Variants in CAP2 observed in about 807,000 individuals in gnomAD.
CAP2 encodes cyclase associated actin cytoskeleton regulatory protein 2.
Under a neutral mutation model 57.7 loss-of-function variants are expected in CAP2, and 24 were observed. The observed-to-expected ratio is 0.42, with a 90% CI of 0.30 to 0.58. The LOEUF (loss-of-function observed/expected upper bound fraction) is 0.58. Among genes scored for constraint, CAP2 ranks in the 20% least tolerant of loss-of-function variants. CAP2 has a pLI of 0.22. For synonymous variants in CAP2, 194 were observed against 207.2 expected, an observed-to-expected ratio of 0.94 and a Z score of 0.55; for missense variants, 501 against 590.3, an observed-to-expected ratio of 0.85 and a Z score of 1.57.
At chr6:17,427,581 A>C (rs372383605) in intron 3 of CAP2, among the ~76,000 whole-genome samples, 5 of 150,638 alleles carry the variant, frequency 3.3e-5, no homozygotes, top group African/African-American at 5.0e-5. Context: ...TGATGCAGGC[A>C]CTGTGGAAAA....
At chr6:17,441,561 G>A (rs1760074228) in intron 3 of CAP2, among the ~76,000 whole-genome samples, 1 of 151,526 alleles carries the variant, frequency 6.6e-6, no homozygotes. Flanking sequence ...AAGGCTCACT[G>A]CAGCCTCAAC....
At chr6:17,447,649 C>T (rs539646232) in intron 3 of CAP2, among the ~76,000 whole-genome samples, 8 of 152,310 alleles carry the variant, frequency 5.3e-5, no homozygotes, top group East Asian at 1.9e-4. Flanking sequence ...CAGGCACTCG[C>T]CATCATGCCT....
chr6:17,443,085 C>T (rs139855719), intron 3 of CAP2, among the ~76,000 whole-genome samples: 221 of 152,186 alleles, frequency 1.5e-3, no homozygotes, highest in African/African-American at 5.1e-3. Context: ...ACATTTTCTC[C>T]TCAAAAATAC....
intron 3 of CAP2, among the ~76,000 whole-genome samples, chr6:17,436,067 ATCTTTCTT>A (rs1345218299): frequency 1.2e-4 from 17 of 143,954 alleles, no homozygotes; most frequent in African/African-American, 4.0e-4. Flanking sequence ...AAACTAAGGA[ATCTTTCTT>A]TCTTTCTTTC....
intron 1 of CAP2, among the ~76,000 whole-genome samples, chr6:17,420,787 A>G (rs2113530653): frequency 6.6e-6 from 1 of 152,338 alleles, no homozygotes; most frequent in East Asian, 1.9e-4. Flanking sequence ...TGTATTACCT[A>G]TTGGGCTTGT....
At chr6:17,423,640 A>G (rs1198013380) in intron 2 of CAP2, among the ~76,000 whole-genome samples, 1 of 152,192 alleles carries the variant, frequency 6.6e-6, no homozygotes, top group Non-Finnish European at 1.5e-5. Flanking sequence ...AAAAATCTCA[A>G]TAATTTGAAC....
chr6:17,452,152 T>C (rs1392490739), intron 3 of CAP2, among the ~76,000 whole-genome samples: 1 of 152,196 alleles, frequency 6.6e-6, no homozygotes, highest in Admixed American at 6.5e-5. Context: ...AGGGTATAGG[T>C]ATTTCAGATG....
At chr6:17,398,634 C>T (rs1758729726) in intron 1 of CAP2, among the ~76,000 whole-genome samples, 1 of 151,538 alleles carries the variant, frequency 6.6e-6, no homozygotes, top group Non-Finnish European at 1.5e-5. Flanking sequence ...AGGCCATTCT[C>T]CTGCCTCAGC....
chr6:17,396,958 T>A (rs916929505), intron 1 of CAP2, among the ~76,000 whole-genome samples: 5 of 152,242 alleles, frequency 3.3e-5, no homozygotes, highest in Admixed American at 6.5e-5. Flanking sequence ...TTTGTGTTAA[T>A]CATTCCCTGG....
chr6:17,403,782 A>T (rs1195369441), intron 1 of CAP2, among the ~76,000 whole-genome samples: 4 of 152,212 alleles, frequency 2.6e-5, no homozygotes, highest in Non-Finnish European at 5.9e-5. Flanking sequence ...ATTATGCAAA[A>T]TTTGTGACTA....
intron 3 of CAP2, among the ~76,000 whole-genome samples, chr6:17,443,013 G>A (rs1021292820): frequency 3.9e-5 from 6 of 151,988 alleles, no homozygotes; most frequent in African/African-American, 1.5e-4. Context: ...CACTGGCCCC[G>A]GCTGGCCCCA....
intron 1 of CAP2, among the ~76,000 whole-genome samples, chr6:17,395,851 T>G (rs576888411): frequency 4.6e-5 from 7 of 152,172 alleles, no homozygotes; most frequent in Admixed American, 3.3e-4. Flanking sequence ...AAGAACTAGA[T>G]AGTTGTGAAA....
intron 1 of CAP2, among the ~76,000 whole-genome samples, chr6:17,399,208 G>A (rs1012440448): frequency 2.6e-5 from 4 of 152,090 alleles, no homozygotes; most frequent in Non-Finnish European, 5.9e-5. Context: ...GATTACAGGC[G>A]CTTGCCACCC....
chr6:17,407,917 T>TTTGTTGG lies in CAP2; in HGVS notation c.-1-13636_-1-13630dup, dbSNP rs1352144766. On this transcript the variant is annotated intron_variant, in intron 1 of 12. Coordinates refer to ENST00000229922, the MANE Select transcript of CAP2 (RefSeq NM_006366.3). ...ACCTGGCTATTCCATCACACTTGGATTTGTTGGTAATTTCTATTCATAAAA... is the reference window on the plus strand; with the variant it reads ...ACCTGGCTATTCCATCACACTTGGATTTGTTGGTTGTTGGTAATTTCTATTCATAAAA... 2.6e-5 allele frequency among the ~76,000 whole-genome samples: 4 copies of TTTGTTGG among 152,266 alleles called. No individual in the cohort carries two copies. The East Asian group carries it at 7.7e-4, about 29-fold the overall frequency.
chr6:17,549,839 A>G (rs886818948), intron 11 of CAP2, among the ~76,000 whole-genome samples: 1 of 152,232 alleles, frequency 6.6e-6, no homozygotes, highest in African/African-American at 2.4e-5. Context: ...ATTCACTGCA[A>G]TGCAAATTGG....
chr6:17,433,657 T>C (rs1478664199), intron 3 of CAP2, among the ~76,000 whole-genome samples: 2 of 152,224 alleles, frequency 1.3e-5, no homozygotes, highest in Non-Finnish European at 2.9e-5. Flanking sequence ...TGATCATTAC[T>C]ATGCTGTTGG....
At chr6:17,543,554 G>A (rs1762959812) in intron 11 of CAP2, among the ~76,000 whole-genome samples, 1 of 150,338 alleles carries the variant, frequency 6.7e-6, no homozygotes, top group African/African-American at 2.4e-5. Context: ...CCAGGAGGTG[G>A]AGCTTGCAGT....
chr6:17,491,602 G>A (rs931740058), intron 4 of CAP2, among the ~76,000 whole-genome samples: 2 of 152,128 alleles, frequency 1.3e-5, no homozygotes, highest in African/African-American at 4.8e-5. Flanking sequence ...TGAACGATAC[G>A]GTTTAAACCC....
intron 1 of CAP2, among the ~76,000 whole-genome samples, chr6:17,404,528 C>A (rs1207265082): frequency 6.6e-6 from 1 of 151,970 alleles, no homozygotes; most frequent in African/African-American, 2.4e-5. Flanking sequence ...TGGTGTGAAC[C>A]CAGGAGGCCG....
Sources: gnomAD v4.1 joint callset for allele counts (sites outside exome capture counted in the v4.1 genomes callset) on GRCh38, gnomAD v4.1.1 for gene constraint, MANE v1.5 for transcripts, NCBI Gene and HGNC (gene_info 2026-07-23, HGNC 2026-07-21) for gene names.